The following CALN1 variants were observed in gnomAD, a reference collection of about 807,000 sequenced individuals.
CALN1 encodes the protein calcium-binding protein 8.
CALN1 carries 17 observed loss-of-function variants against 30.6 expected under a neutral mutation model. The ratio of observed to expected loss-of-function variants is 0.56; its 90% CI spans 0.38 to 0.83. CALN1 has a LOEUF of 0.83. Ranked by LOEUF, CALN1 falls within the 40% of genes least tolerant of loss-of-function variation. CALN1 has a pLI of 0.00. For synonymous variants in CALN1, 156 were observed against 131.4 expected (o/e 1.19, Z -1.28); for missense variants, 291 against 354.9 (o/e 0.82, Z 1.45).
At chr7:72,286,354 C>T (rs747601792) in intron 2 of CALN1, among the ~76,000 whole-genome samples, 41 of 152,128 alleles carry the variant, frequency 2.7e-4, no homozygotes, top group Non-Finnish European at 7.4e-5. Context: ...TGCAAGGTGG[C>T]TAGGAATGGA....
intron 2 of CALN1, among the ~76,000 whole-genome samples, chr7:72,378,695 T>G (rs957442306): frequency 6.6e-6 from 1 of 152,164 alleles, no homozygotes; most frequent in East Asian, 1.9e-4. Context: ...AAGTTTTTTT[T>G]TTTTTGAGAC....
intron 2 of CALN1, among the ~76,000 whole-genome samples, chr7:72,365,805 T>C (rs1392888491): frequency 6.6e-6 from 1 of 152,184 alleles, no homozygotes; most frequent in East Asian, 1.9e-4. Flanking sequence ...TCTACCATAT[T>C]GGCAAAGCTT....
At chr7:72,466,322 G>A in the CALN1 span, among the ~76,000 whole-genome samples, 2 of 152,098 alleles carry the variant, frequency 1.3e-5, no homozygotes, top group South Asian at 2.1e-4. Context: ...CTGCCTTCCC[G>A]GGTCACTAGC....
chr7:72,392,853 G>A (rs1805666214), intron 2 of CALN1, among the ~76,000 whole-genome samples: 2 of 151,644 alleles, frequency 1.3e-5, no homozygotes, highest in Admixed American at 1.3e-4. Context: ...AAATTAATTA[G>A]CCAGACATGT....
intron 3 of CALN1, among the ~76,000 whole-genome samples, chr7:72,188,996 A>G (rs1217647891): frequency 1.3e-5 from 2 of 152,218 alleles, no homozygotes; most frequent in African/African-American, 2.4e-5. Flanking sequence ...CCCTGCCTTC[A>G]GAACGGTGGC....
chr7:72,124,710 G>C (rs1808617538), intron 3 of CALN1, among the ~76,000 whole-genome samples: 1 of 150,198 alleles, frequency 6.7e-6, no homozygotes, highest in Non-Finnish European at 1.5e-5. Context: ...AGAATTGGAG[G>C]CAGATTGACA....
chr7:71,879,883 GAATT>G (rs1792466605), intron 5 of CALN1, among the ~76,000 whole-genome samples: 1 of 151,974 alleles, frequency 6.6e-6, no homozygotes. Context: ...GATTAACTCT[GAATT>G]AATAAGCCAC....
chr7:72,235,023 C>A (rs1407893453), intron 3 of CALN1, among the ~76,000 whole-genome samples: 2 of 152,138 alleles, frequency 1.3e-5, no homozygotes, highest in African/African-American at 2.4e-5. Context: ...AATCCTACCA[C>A]TTTGGGAGGC....
chr7:72,298,241 CTTAT>C (rs1799004646), intron 2 of CALN1, among the ~76,000 whole-genome samples: 1 of 152,084 alleles, frequency 6.6e-6, no homozygotes, highest in African/African-American at 2.4e-5. Flanking sequence ...GCGTGCGACT[CTTAT>C]TTGTGTTTGA....
At position 72,134,324 on chromosome 7, in the gene CALN1, T is replaced by C. The variant is rs147931266; in HGVS notation, c.245-28030A>G. 1.2e-3 allele frequency among the ~76,000 whole-genome samples: 189 copies of C among 152,350 alleles called. 1 individual carries two copies. Among genetic ancestry groups the C allele is most frequent in the African/African-American group, 4.3e-3 (178 of 41,586 alleles). On this transcript the variant is annotated intron_variant, in intron 3 of 6. Transcript: ENST00000395275. ...CCCAGTAATCCAAGGTATTTTGTTA[T>C]AGCAGCTCCAAAGGACTGAGACACT... is the stretch of plus-strand genomic sequence containing the variant.
At chr7:72,388,685 G>A (rs1805391857) in intron 2 of CALN1, among the ~76,000 whole-genome samples, 1 of 152,102 alleles carries the variant, frequency 6.6e-6, no homozygotes, top group Non-Finnish European at 1.5e-5. Context: ...CTCCCTAAAA[G>A]ATGGCCTAAA....
chr7:72,204,677 C>G (rs546814125), intron 3 of CALN1, among the ~76,000 whole-genome samples: 2 of 152,254 alleles, frequency 1.3e-5, no homozygotes, highest in African/African-American at 4.8e-5. Context: ...CACAACAGTA[C>G]TTAACTCACA....
At chr7:72,411,171 A>C (rs1585694987) in intron 1 of CALN1, among the ~76,000 whole-genome samples, 1 of 152,234 alleles carries the variant, frequency 6.6e-6, no homozygotes, top group African/African-American at 2.4e-5. Flanking sequence ...AAACTATCAA[A>C]AGGAAAAAGC....
Position 71,783,852 on chromosome 7 carries a change from C to T in CALN1, c.*3923G>A, listed in dbSNP as rs1425098850. On this transcript the variant is annotated 3_prime_UTR_variant, in exon 7 of 7. Transcript: ENST00000395275. ...ATTTTTCATAGGCTCTTTTGGATAA[C>T]TGCAAGATCGTAGACCATTTGTCAA... is the stretch of plus-strand genomic sequence containing the variant. The T allele has an allele frequency of 6.6e-6, 1 of 152,512 alleles. No homozygotes were observed. The highest frequency in any genetic ancestry group is 1.5e-5 in the Non-Finnish European group (1 of 68,048). The allele number at this position is 152,512 out of a possible 1,614,324, so 9.4% of individuals were successfully genotyped here.
At chr7:72,355,389 G>A (rs1381383490) in intron 2 of CALN1, among the ~76,000 whole-genome samples, 1 of 152,084 alleles carries the variant, frequency 6.6e-6, no homozygotes, top group African/African-American at 2.4e-5. Flanking sequence ...AGCTAGGCGT[G>A]GTGGCGCACG....
At chr7:72,302,148 G>C (rs1323007473) in intron 2 of CALN1, among the ~76,000 whole-genome samples, 1 of 152,240 alleles carries the variant, frequency 6.6e-6, no homozygotes, top group East Asian at 1.9e-4. Context: ...ATGCGTTTCA[G>C]AACAAGAGAA....
intron 3 of CALN1, among the ~76,000 whole-genome samples, chr7:72,118,273 T>C (rs1030855475): frequency 5.3e-5 from 8 of 152,202 alleles, no homozygotes; most frequent in East Asian, 1.9e-4. Context: ...TTATGAAAAA[T>C]AATAATTTCT....
At chr7:71,982,431 C>A (rs150543102) in intron 5 of CALN1, among the ~76,000 whole-genome samples, 1 of 152,226 alleles carries the variant, frequency 6.6e-6, no homozygotes, top group East Asian at 1.9e-4. Context: ...CCTGTCTCTA[C>A]TAAAAATATA....
chr7:72,141,661 T>A (rs559252336), intron 3 of CALN1, among the ~76,000 whole-genome samples: 1 of 152,106 alleles, frequency 6.6e-6, no homozygotes, highest in East Asian at 1.9e-4. Flanking sequence ...CTCCGTCTCC[T>A]GGGTTCAAGC....
Sources: allele counts gnomAD v4.1 joint callset (sites outside exome capture counted in the v4.1 genomes callset), GRCh38; gene constraint gnomAD v4.1.1; transcripts MANE v1.5; gene names NCBI Gene and HGNC (gene_info 2026-07-23, HGNC 2026-07-21).